Variants in RNF185 observed in about 807,000 individuals in gnomAD.
RNF185 encodes E3 ubiquitin-protein ligase RNF185.
In RNF185, 13 loss-of-function variants were observed where a neutral mutation model predicts 24.9. That is an observed-to-expected ratio of 0.52 (90% CI 0.34 to 0.83). RNF185 has a LOEUF of 0.83. RNF185 is among the 40% of genes least tolerant of loss of function. The pLI is 0.01. For synonymous variants in RNF185, 79 were observed against 90.3 expected, an observed-to-expected ratio of 0.88 and a Z score of 0.71; for missense variants, 184 against 244.7, an observed-to-expected ratio of 0.75 and a Z score of 1.65.
intron 6 of RNF185, 53 bp from the exon 7 acceptor site, chr22:31,204,436 T>C (rs2048295170): frequency 9.2e-7 from 1 of 1,086,020 alleles, no homozygotes; most frequent in Non-Finnish European, 1.4e-6. Flanking sequence ...GAGTGGGCAG[T>C]GTGCATAGCT....
At chr22:31,194,703 G>A (rs978408425) in intron 3 of RNF185, among the ~76,000 whole-genome samples, 1 of 152,036 alleles carries the variant, frequency 6.6e-6, no homozygotes, top group African/African-American at 2.4e-5. Flanking sequence ...ACTCCAGCCT[G>A]GGTGACAGAG....
rs1301934659 is a variant in RNF185, at chr22:31,184,931, GGGGAGA to G, written c.-48-2110_-48-2105del. 1.2e-4 allele frequency among the ~76,000 whole-genome samples: 18 copies of G among 150,448 alleles called. No individual in the cohort carries two copies. In the Admixed American group the frequency reaches 1.2e-3, roughly 10 times the overall value. On this transcript the variant is annotated intron_variant, in intron 1 of 6. Coordinates refer to ENST00000326132, the MANE Select transcript of RNF185 (RefSeq NM_152267.4). ...AAAGGGGAGACGAGGACCGTGCAAA[GGGGAGA>G]GGGAGGGGGAGGGGGAGGGAGAGCA...
rs1209355642 is a variant in RNF185, at chr22:31,205,353, T to C, written c.*767T>C. 2 of 168,136 alleles carry C rather than the reference T, an allele frequency of 1.2e-5. No individual in the cohort carries two copies. Among genetic ancestry groups the C allele is most frequent in the Non-Finnish European group, 2.9e-5 (2 of 68,158 alleles). The allele number at this position is 168,136 out of a possible 1,614,324, so 10.4% of individuals were successfully genotyped here. ...CCCATCAGCTTTCTCCCTAAAACTA[T>C]GTTCATCTGCCTCTCTCTGCCAGAG... On this transcript the variant is annotated 3_prime_UTR_variant, in exon 7 of 7. Coordinates refer to ENST00000326132, the MANE Select transcript of RNF185 (RefSeq NM_152267.4).
intron 1 of RNF185, among the ~76,000 whole-genome samples, chr22:31,163,300 A>T (rs1923694628): frequency 6.6e-6 from 1 of 152,094 alleles, no homozygotes; most frequent in East Asian, 1.9e-4. Flanking sequence ...TTTATGGAAA[A>T]AAAATTGCCA....
chr22:31,169,705 C>A (rs1924161311), intron 1 of RNF185, among the ~76,000 whole-genome samples: 4 of 152,118 alleles, frequency 2.6e-5, no homozygotes. Flanking sequence ...CGCCACTGCT[C>A]TTGGCTAATT....
At chr22:31,164,002 A>G (rs753581998) in intron 1 of RNF185, among the ~76,000 whole-genome samples, 66 of 143,762 alleles carry the variant, frequency 4.6e-4, no homozygotes, top group Admixed American at 2.4e-3. Context: ...TATTTTTTAG[A>G]TGGAGTTTCA....
chr22:31,206,425 G>C lies in RNF185; in HGVS notation c.*1839G>C, dbSNP rs1211618812. 1 of 152,406 alleles carries C rather than the reference G, an allele frequency of 6.6e-6. No homozygotes were observed. The highest frequency in any genetic ancestry group is 2.4e-5 in the African/African-American group (1 of 41,432). The allele number at this position is 152,406 out of a possible 1,614,324, so 9.4% of individuals were successfully genotyped here. A position where few individuals can be genotyped will look rare whatever the true frequency, so the allele number is the denominator to read the frequency against. On this transcript the variant is annotated 3_prime_UTR_variant, in exon 7 of 7. Transcript: ENST00000326132. ...ATCCGCAAAGTTGCAGGGGCCTCTGGAGTGTCTCTTCTCTAGAGAGAATTG... is the reference window on the plus strand; with the variant it reads ...ATCCGCAAAGTTGCAGGGGCCTCTGCAGTGTCTCTTCTCTAGAGAGAATTG...
chr22:31,204,119 C>A (rs1204120373), intron 6 of RNF185, among the ~76,000 whole-genome samples: 2 of 149,688 alleles, frequency 1.3e-5, no homozygotes, highest in Non-Finnish European at 3.0e-5. Context: ...CTGAGGCAGG[C>A]GGATCACAAG....
chr22:31,162,999 C>G (rs1379001780), intron 1 of RNF185, among the ~76,000 whole-genome samples: 1 of 151,862 alleles, frequency 6.6e-6, no homozygotes, highest in Non-Finnish European at 1.5e-5. Context: ...CTCCTGACCT[C>G]GTGATCTGCC....
chr22:31,185,911 A>G (rs1175900577), intron 1 of RNF185, among the ~76,000 whole-genome samples: 1 of 152,178 alleles, frequency 6.6e-6, no homozygotes, highest in Non-Finnish European at 1.5e-5. Context: ...CAGGGTGTCC[A>G]TGAGTCCCAG....
chr22:31,176,363 A>G (rs551809740), intron 1 of RNF185, among the ~76,000 whole-genome samples: 5 of 149,166 alleles, frequency 3.4e-5, no homozygotes, highest in Admixed American at 1.3e-4. Flanking sequence ...GCTGCTCCAA[A>G]TCCTGGGCTC....
rs2048297759 is a variant in RNF185, at chr22:31,204,640, C to G, written c.*54C>G. 2 of 1,268,194 alleles carry G rather than the reference C, an allele frequency of 1.6e-6. No homozygotes were observed. Among genetic ancestry groups the G allele is most frequent in the Admixed American group, 3.4e-5 (2 of 59,534 alleles). 78.6% of individuals were successfully genotyped at this position (1,268,194 alleles called of 1,614,324 possible). ...GGGCTCTGGACTGGTGACGTGCCAC[C>G]CCAACTCCTGGTGTTTGGCTTCCTG... On this transcript the variant is annotated 3_prime_UTR_variant, in exon 7 of 7. Coordinates refer to ENST00000326132, the MANE Select transcript of RNF185 (RefSeq NM_152267.4).
intron 1 of RNF185, 49 bp from the exon 2 acceptor site, chr22:31,186,998 G>T (rs960646978): frequency 3.1e-6 from 4 of 1,277,940 alleles, no homozygotes; most frequent in Admixed American, 2.3e-5. Context: ...ATGGAAGCTG[G>T]GGGGAGAGGG....
intron 6 of RNF185, among the ~76,000 whole-genome samples, chr22:31,203,761 C>T (rs979611978): frequency 5.3e-5 from 8 of 151,916 alleles, no homozygotes; most frequent in African/African-American, 1.2e-4. Flanking sequence ...TTTGGCTGGG[C>T]GCGATGGCTC....
intron 1 of RNF185, among the ~76,000 whole-genome samples, chr22:31,182,175 A>G (rs1329363502): frequency 2.0e-5 from 3 of 150,514 alleles, no homozygotes; most frequent in African/African-American, 4.9e-5. Context: ...GCAGCAGCAC[A>G]ATCACGGCTC....
chr22:31,204,134 G>C (rs1601383736), intron 6 of RNF185, among the ~76,000 whole-genome samples: 1 of 151,734 alleles, frequency 6.6e-6, no homozygotes, highest in East Asian at 1.9e-4. Context: ...CACAAGGTCA[G>C]GAGTTCGAGA....
At chr22:31,174,955 C>G (rs1371039724) in intron 1 of RNF185, among the ~76,000 whole-genome samples, 5 of 151,810 alleles carry the variant, frequency 3.3e-5, no homozygotes, top group African/African-American at 1.2e-4. Context: ...TGCCTGTAAT[C>G]CTAGCTACTT....
At chr22:31,196,067 C>T (rs2048202539) in intron 4 of RNF185, among the ~76,000 whole-genome samples, 1 of 152,218 alleles carries the variant, frequency 6.6e-6, no homozygotes, top group Non-Finnish European at 1.5e-5. Flanking sequence ...TATCCAGCTA[C>T]CCTAGCATAT....
intron 2 of RNF185, among the ~76,000 whole-genome samples, chr22:31,189,368 T>C (rs893099616): frequency 5.4e-5 from 7 of 128,876 alleles, no homozygotes; most frequent in Non-Finnish European, 1.1e-4. Context: ...TTGGCTCACT[T>C]GCAACCTCTG....
Sources: gnomAD v4.1 joint callset for allele counts (sites outside exome capture counted in the v4.1 genomes callset) on GRCh38, gnomAD v4.1.1 for gene constraint, MANE v1.5 for transcripts, NCBI Gene and HGNC (gene_info 2026-07-23, HGNC 2026-07-21) for gene names.